DYNC1I1: variants seen among roughly 807,000 people sequenced by gnomAD.
The protein encoded by DYNC1I1 is dynein cytoplasmic 1 intermediate chain 1.
Under a neutral mutation model 86.6 loss-of-function variants are expected in DYNC1I1, and 43 were observed. The ratio of observed to expected loss-of-function variants is 0.50; its 90% CI spans 0.39 to 0.64. The LOEUF is 0.64. DYNC1I1 is among the 30% of genes least tolerant of loss of function. The pLI is 0.00. For missense variants in DYNC1I1, 604 were observed against 788.8 expected, an observed-to-expected ratio of 0.77 and a Z score of 2.81; for synonymous variants, 262 against 283.7, an observed-to-expected ratio of 0.92 and a Z score of 0.77.
chr7:95,851,417 T>G (rs929088153), intron 5 of DYNC1I1, among the ~76,000 whole-genome samples: 1 of 152,178 alleles, frequency 6.6e-6, no homozygotes, highest in Non-Finnish European at 1.5e-5. Flanking sequence ...TATGAATTGT[T>G]TATTTCTGGA....
At chr7:96,019,039 GT>G (rs1189027563) in intron 10 of DYNC1I1, among the ~76,000 whole-genome samples, 1 of 152,044 alleles carries the variant, frequency 6.6e-6, no homozygotes, top group Admixed American at 6.6e-5. Flanking sequence ...AGGAGTTTGT[GT>G]TTTTTGTTTC....
At chr7:96,055,238 A>G (rs1416045599) in intron 14 of DYNC1I1, among the ~76,000 whole-genome samples, 1 of 151,982 alleles carries the variant, frequency 6.6e-6, no homozygotes, top group African/African-American at 2.4e-5. Context: ...GGAGGGGAAC[A>G]TCACACACTG....
intron 2 of DYNC1I1, among the ~76,000 whole-genome samples, chr7:95,807,869 T>C (rs921486739): frequency 6.6e-6 from 1 of 152,174 alleles, no homozygotes; most frequent in Non-Finnish European, 1.5e-5. Flanking sequence ...TCTTAAGAGA[T>C]TGCAAGCTTT....
intron 16 of DYNC1I1, among the ~76,000 whole-genome samples, chr7:96,089,692 G>A (rs1297801326): frequency 6.6e-6 from 1 of 151,956 alleles, no homozygotes; most frequent in Non-Finnish European, 1.5e-5. Context: ...TTTTCATTGT[G>A]CTTTTTTTGG....
chr7:96,085,648 C>T (rs142150595), intron 16 of DYNC1I1, among the ~76,000 whole-genome samples: 271 of 152,302 alleles, frequency 1.8e-3, no homozygotes, highest in African/African-American at 6.1e-3. Context: ...TGACAAAAGA[C>T]AGAGAAGACC....
intron 6 of DYNC1I1, among the ~76,000 whole-genome samples, chr7:95,973,374 T>C (rs1158172874): frequency 1.3e-5 from 2 of 152,192 alleles, no homozygotes; most frequent in Admixed American, 6.5e-5. Context: ...AAAAGGCTGA[T>C]AGACAAAGAA....
intron 16 of DYNC1I1, among the ~76,000 whole-genome samples, chr7:96,081,437 T>G (rs2116272668): frequency 6.6e-6 from 1 of 152,312 alleles, no homozygotes; most frequent in African/African-American, 2.4e-5. Context: ...AGATTGTGTG[T>G]TTATTTTTAC....
intron 1 of DYNC1I1, among the ~76,000 whole-genome samples, chr7:95,777,182 A>G (rs1403046890): frequency 6.6e-6 from 1 of 152,194 alleles, no homozygotes; most frequent in Non-Finnish European, 1.5e-5. Flanking sequence ...TCAAAGGAAC[A>G]ACAACAAGTT....
At chr7:95,976,842 T>C (rs1793316568) in intron 6 of DYNC1I1, among the ~76,000 whole-genome samples, 1 of 152,198 alleles carries the variant, frequency 6.6e-6, no homozygotes, top group Admixed American at 6.5e-5. Flanking sequence ...AAAATGAGCA[T>C]ACATTTGCAT....
At chr7:96,035,541 C>T in intron 12 of DYNC1I1, 78 bp from the exon 13 acceptor site, 1 of 1,488,840 alleles carries the variant, frequency 6.7e-7, no homozygotes. Context: ...CATGATTTAG[C>T]CAAATGATTT....
chr7:95,840,164 A>C (rs1789241768), intron 5 of DYNC1I1, among the ~76,000 whole-genome samples: 1 of 152,072 alleles, frequency 6.6e-6, no homozygotes, highest in Non-Finnish European at 1.5e-5. Flanking sequence ...ATTTCTCTGA[A>C]TGAGTTTTCT....
chr7:95,887,206 C>G (rs937324501), intron 6 of DYNC1I1, among the ~76,000 whole-genome samples: 6 of 152,102 alleles, frequency 3.9e-5, no homozygotes, highest in African/African-American at 1.4e-4. Context: ...TTCACGAACC[C>G]CAGGGATTCT....
At chr7:96,058,252 C>G (rs1020012486) in intron 14 of DYNC1I1, among the ~76,000 whole-genome samples, 1 of 152,104 alleles carries the variant, frequency 6.6e-6, no homozygotes, top group Admixed American at 6.5e-5. Flanking sequence ...TCATGGAGAA[C>G]GTAATGTGTT....
chr7:95,779,863 G>A (rs1793941278), intron 1 of DYNC1I1, among the ~76,000 whole-genome samples: 1 of 152,190 alleles, frequency 6.6e-6, no homozygotes. Flanking sequence ...AGATGAATGT[G>A]TGCTTGGTAA....
intron 5 of DYNC1I1, among the ~76,000 whole-genome samples, chr7:95,841,687 AG>A (rs1380384502): frequency 7.2e-5 from 11 of 152,140 alleles, no homozygotes; most frequent in African/African-American, 2.7e-4. Context: ...AAGGAGCTGT[AG>A]GAAGTGCCTA....
chr7:95,961,192 T>C (rs1792857940), intron 6 of DYNC1I1, among the ~76,000 whole-genome samples: 1 of 152,178 alleles, frequency 6.6e-6, no homozygotes, highest in South Asian at 2.1e-4. Context: ...TCTTGGTCTC[T>C]ATGACAATAT....
chr7:96,097,679 A>G lies in DYNC1I1; in HGVS notation c.*86A>G. 1 of 1,567,834 alleles carries G rather than the reference A, an allele frequency of 6.4e-7. No homozygotes were observed. Among genetic ancestry groups the G allele is most frequent in the Non-Finnish European group, 8.7e-7 (1 of 1,154,742 alleles). On this transcript the variant is annotated 3_prime_UTR_variant, in exon 17 of 17. Coordinates refer to ENST00000447467, the MANE Select transcript of DYNC1I1 (RefSeq NM_001135556.2). Reference sequence around the variant, plus strand: ...GTCAAGTCTCTTGTATTCGGTGTCCATTCAGTATCAGTATTGCTGTGATAT... The same window carrying G: ...GTCAAGTCTCTTGTATTCGGTGTCCGTTCAGTATCAGTATTGCTGTGATAT...
At chr7:95,962,367 C>T (rs1422438882) in intron 6 of DYNC1I1, among the ~76,000 whole-genome samples, 1 of 152,188 alleles carries the variant, frequency 6.6e-6, no homozygotes, top group East Asian at 1.9e-4. Context: ...GCTTTATGCT[C>T]CTCATTCCCA....
chr7:96,056,836 A>G (rs1424996776), intron 14 of DYNC1I1, among the ~76,000 whole-genome samples: 1 of 152,196 alleles, frequency 6.6e-6, no homozygotes, highest in Non-Finnish European at 1.5e-5. Flanking sequence ...TTCACGAATG[A>G]GCTGCATATA....
Sources: allele counts gnomAD v4.1 joint callset (sites outside exome capture counted in the v4.1 genomes callset), GRCh38; gene constraint gnomAD v4.1.1; transcripts MANE v1.5; gene names NCBI Gene and HGNC (gene_info 2026-07-23, HGNC 2026-07-21).